The following SSBP2 variants were observed in gnomAD, a reference collection of about 807,000 sequenced individuals.
SSBP2 encodes the protein single-stranded DNA-binding protein 2.
SSBP2 carries 17 observed loss-of-function variants against 61.8 expected under a neutral mutation model. The observed-to-expected ratio is 0.28, with a 90% CI of 0.19 to 0.41. The LOEUF is 0.41. Among genes scored for constraint, SSBP2 ranks in the 10% least tolerant of loss-of-function variants. The probability of loss-of-function intolerance (pLI) is 1.00; values close to 1 mark genes in which losing one functional copy is unlikely to be tolerated. For missense variants in SSBP2, 310 were observed against 458.7 expected (o/e 0.68, Z 2.96); for synonymous variants, 139 against 141.3 (o/e 0.98, Z 0.12).
intron 4 of SSBP2, among the ~76,000 whole-genome samples, chr5:81,542,416 CAA>C (rs1282482819): frequency 1.3e-5 from 2 of 151,962 alleles, no homozygotes; most frequent in Non-Finnish European, 1.5e-5. Context: ...GGCATAAAAC[CAA>C]AAGTCAATAA....
chr5:81,535,058 T>A (rs1305755094), intron 4 of SSBP2, among the ~76,000 whole-genome samples: 3 of 151,912 alleles, frequency 2.0e-5, no homozygotes, highest in African/African-American at 7.2e-5. Flanking sequence ...AGAGTGATGA[T>A]AAGTAATTAC....
chr5:81,458,416 G>A (rs767334918), intron 10 of SSBP2, among the ~76,000 whole-genome samples: 10 of 152,142 alleles, frequency 6.6e-5, no homozygotes, highest in Admixed American at 4.6e-4. Context: ...TTAAAAATAC[G>A]TTTATGTAGA....
chr5:81,605,397 C>A (rs1744779379), intron 4 of SSBP2, among the ~76,000 whole-genome samples: 1 of 152,040 alleles, frequency 6.6e-6, no homozygotes, highest in African/African-American at 2.4e-5. Context: ...TTTAAAAAGT[C>A]CTAAATTTCT....
chr5:81,672,681 C>G (rs1245144230), intron 1 of SSBP2, among the ~76,000 whole-genome samples: 4 of 151,628 alleles, frequency 2.6e-5, no homozygotes, highest in African/African-American at 9.7e-5. Flanking sequence ...AAGTGATTCT[C>G]CTGCCTCGGC....
chr5:81,513,641 G>A lies in SSBP2; in HGVS notation c.359C>T (p.Pro120Leu). Residue 120 changes from proline to leucine, a missense_variant, in exon 5 of 17, where the codon CCA (proline) becomes CTA (leucine). Transcript: ENST00000320672. ...TTCTCTGAGTACCTGAAAGAACCCT[G>A]GTGGTACAGGACCTACTGGCATGCC... 6.2e-7 allele frequency: 1 copy of A among 1,609,602 alleles called. No individual in the cohort carries two copies. Among genetic ancestry groups the A allele is most frequent in the Non-Finnish European group, 8.5e-7 (1 of 1,176,334 alleles).
chr5:81,488,957 G>T lies in SSBP2; in HGVS notation c.432+293C>A, dbSNP rs189796060. On this transcript the variant is annotated intron_variant, in intron 6 of 16. Transcript: ENST00000320672. ...AAAGATCCAAATAGTAAATATTTTAGGGTTGCCGGCCACATATGGTCTCTG... is the reference window on the plus strand; with the variant it reads ...AAAGATCCAAATAGTAAATATTTTATGGTTGCCGGCCACATATGGTCTCTG... Among the ~76,000 whole-genome samples, 10 of 152,130 alleles carry T rather than the reference G, an allele frequency of 6.6e-5. No homozygotes were observed. In the East Asian group the frequency reaches 1.7e-3, roughly 26 times the overall value.
intron 2 of SSBP2, among the ~76,000 whole-genome samples, chr5:81,649,492 G>A (rs572738627): frequency 1.3e-5 from 2 of 152,142 alleles, no homozygotes; most frequent in African/African-American, 4.8e-5. Context: ...TAAGCTGGAG[G>A]CCATAATAAT....
intron 12 of SSBP2, among the ~76,000 whole-genome samples, chr5:81,443,914 G>C (rs1051807810): frequency 6.6e-6 from 1 of 152,164 alleles, no homozygotes; most frequent in African/African-American, 2.4e-5. Context: ...ACTGATTTGA[G>C]ACAGAAGGTA....
intron 1 of SSBP2, among the ~76,000 whole-genome samples, chr5:81,651,423 C>CT (rs1749718905): frequency 6.6e-6 from 1 of 152,166 alleles, no homozygotes; most frequent in African/African-American, 2.4e-5. Flanking sequence ...TTCAGTTGCT[C>CT]TGTCCATTTA....
At chr5:81,480,372 T>C (rs1765895504) in intron 6 of SSBP2, among the ~76,000 whole-genome samples, 1 of 152,212 alleles carries the variant, frequency 6.6e-6, no homozygotes, top group Non-Finnish European at 1.5e-5. Flanking sequence ...ATATGTTTTG[T>C]TTACACCATA....
chr5:81,446,994 T>A, intron 11 of SSBP2, 72 bp from the exon 12 acceptor site: 1 of 1,049,918 alleles, frequency 9.5e-7, no homozygotes, highest in Non-Finnish European at 1.4e-6. Context: ...GACTTATATC[T>A]ATAATAATCC....
At chr5:81,735,011 T>C (rs1756508428) in intron 1 of SSBP2, among the ~76,000 whole-genome samples, 2 of 150,896 alleles carry the variant, frequency 1.3e-5, no homozygotes, top group Non-Finnish European at 2.9e-5. Context: ...AAAAATCAAG[T>C]TGACCTGCAT....
At chr5:81,699,854 CTTTTTTT>C (rs3081889) in intron 1 of SSBP2, among the ~76,000 whole-genome samples, 2 of 124,862 alleles carry the variant, frequency 1.6e-5, no homozygotes, top group African/African-American at 3.1e-5. Flanking sequence ...AAATCAATTT[CTTTTTTT>C]TTTTTTTTTT....
At chr5:81,453,548 C>A (rs975344318) in intron 10 of SSBP2, among the ~76,000 whole-genome samples, 1 of 151,752 alleles carries the variant, frequency 6.6e-6, no homozygotes, top group Middle Eastern at 3.4e-3. Flanking sequence ...GCTCCGCCCC[C>A]CGGGTTCACG....
At chr5:81,590,172 A>C (rs1351012052) in intron 4 of SSBP2, among the ~76,000 whole-genome samples, 3 of 152,176 alleles carry the variant, frequency 2.0e-5, no homozygotes, top group African/African-American at 7.2e-5. Flanking sequence ...TTGGAAAGTA[A>C]AATTATGAGA....
chr5:81,477,143 G>A (rs2154027075), intron 6 of SSBP2, among the ~76,000 whole-genome samples: 2 of 152,126 alleles, frequency 1.3e-5, no homozygotes, highest in South Asian at 4.2e-4. Flanking sequence ...TTCCCCAAGG[G>A]GCCTTAATTC....
At chr5:81,504,195 C>T (rs1214129945) in intron 5 of SSBP2, among the ~76,000 whole-genome samples, 2 of 152,158 alleles carry the variant, frequency 1.3e-5, no homozygotes, top group Non-Finnish European at 2.9e-5. Flanking sequence ...TTACTTCTCA[C>T]CACTGCTACC....
chr5:81,469,988 C>A (rs1765143558), intron 8 of SSBP2, among the ~76,000 whole-genome samples: 1 of 151,848 alleles, frequency 6.6e-6, no homozygotes, highest in Non-Finnish European at 1.5e-5. Context: ...AATTTAATTT[C>A]TAGAAAGTTC....
chr5:81,617,997 C>G (rs1409759394), intron 3 of SSBP2, among the ~76,000 whole-genome samples: 1 of 133,064 alleles, frequency 7.5e-6, no homozygotes, highest in Non-Finnish European at 1.7e-5. Flanking sequence ...GCTGCAAAAT[C>G]ATGCCAAAAT....
Sources: gnomAD v4.1 joint callset for allele counts (sites outside exome capture counted in the v4.1 genomes callset) on GRCh38, gnomAD v4.1.1 for gene constraint, MANE v1.5 for transcripts, NCBI Gene and HGNC (gene_info 2026-07-23, HGNC 2026-07-21) for gene names.